GREB1: variants seen among roughly 807,000 people sequenced by gnomAD.
GREB1 encodes the protein growth regulating estrogen receptor binding 1.
In GREB1, 106 loss-of-function variants were observed where a neutral mutation model predicts 200.7. The observed-to-expected ratio is 0.53, with a 90% CI of 0.45 to 0.62. The LOEUF (loss-of-function observed/expected upper bound fraction) is 0.62. GREB1 is among the 20% of genes least tolerant of loss of function. The probability of loss-of-function intolerance (pLI) is 0.00; values close to 1 mark genes in which losing one functional copy is unlikely to be tolerated. For synonymous variants in GREB1, 1,132 were observed against 1,092.4 expected (o/e 1.04, Z -0.72); for missense variants, 2,243 against 2,556.8 (o/e 0.88, Z 2.65).
chr2:11,610,625 C>A, intron 17 of GREB1, 63 bp from the exon 18 acceptor site: 1 of 1,285,766 alleles, frequency 7.8e-7, no homozygotes, highest in Non-Finnish European at 1.1e-6. Context: ...TCTTGGGTGA[C>A]TTGGCAGCAG....
chr2:11,636,252 G>A lies in GREB1; in HGVS notation c.5346+847G>A, dbSNP rs551764354. ...CATTGAGATCTTACGATTGTGTGAG[G>A]TTTGTTGTTTAATCAGGGAGAACAG... is the stretch of plus-strand genomic sequence containing the variant. On this transcript the variant is annotated intron_variant, in intron 30 of 32. Coordinates refer to ENST00000381486, the MANE Select transcript of GREB1 (RefSeq NM_014668.4). Among the ~76,000 whole-genome samples, 13 of 152,336 alleles carry A rather than the reference G, an allele frequency of 8.5e-5. No individual in the cohort carries two copies. In the East Asian group the frequency reaches 2.5e-3, roughly 29 times the overall value.
intron 4 of GREB1, among the ~76,000 whole-genome samples, chr2:11,568,590 C>T (rs1253998261): frequency 6.6e-6 from 1 of 152,260 alleles, no homozygotes; most frequent in Non-Finnish European, 1.5e-5. Flanking sequence ...GTACGCGAGG[C>T]CATGCCTGGT....
Position 11,616,652 on chromosome 2 carries a change from G to A in GREB1, c.3344G>A (p.Ser1115Asn). ...ACAGGCTCTACCTCGGAGAAGAGAA[G>A]CCCCATGAAAAGGGAGAGGTCCCGC... Reference protein sequence around the residue: ...GTEGSTSEKRSPMKRERSRSH... With the variant: ...GTEGSTSEKRNPMKRERSRSH... The change falls in exon 21 of 33, where the codon AGC becomes AAC. Residue 1115 changes from serine to asparagine, a missense_variant. By Grantham distance (46) the Ser-to-Asn change is conservative (BLOSUM62 1). Coordinates refer to ENST00000381486, the MANE Select transcript of GREB1 (RefSeq NM_014668.4). The A allele has an allele frequency of 6.2e-7, 1 of 1,611,322 alleles. No homozygotes were observed. Among genetic ancestry groups the A allele is most frequent in the Non-Finnish European group, 8.5e-7 (1 of 1,177,430 alleles).
intron 1 of GREB1, chr2:11,542,583 A>G (rs1266448884): frequency 3.6e-5 from 5 of 139,838 alleles, no homozygotes; most frequent in African/African-American, 1.3e-4. Flanking sequence ...CAGGGAGAAC[A>G]AACCCAGAGC....
At chr2:11,620,819 T>G in intron 22 of GREB1, 86 bp from the exon 23 acceptor site, 1 of 759,766 alleles carries the variant, frequency 1.3e-6, no homozygotes, top group East Asian at 2.5e-5. Flanking sequence ...GAGGCAGATG[T>G]CAGGAGCCAT....
At chr2:11,524,252 G>A (rs1447255503) in intron 1 of GREB1, among the ~76,000 whole-genome samples, 1 of 152,222 alleles carries the variant, frequency 6.6e-6, no homozygotes, top group Non-Finnish European at 1.5e-5. Flanking sequence ...TTGTTCAACA[G>A]TCTGAAGGAG....
At chr2:11,537,940 T>C (rs1332090377) in intron 1 of GREB1, among the ~76,000 whole-genome samples, 1 of 152,116 alleles carries the variant, frequency 6.6e-6, no homozygotes, top group Non-Finnish European at 1.5e-5. Flanking sequence ...TTCATGCACA[T>C]AGCTTTTATG....
At chr2:11,535,041 G>T (rs1674225938) in intron 1 of GREB1, among the ~76,000 whole-genome samples, 1 of 152,198 alleles carries the variant, frequency 6.6e-6, no homozygotes, top group African/African-American at 2.4e-5. Context: ...TATCAGAAGA[G>T]CTTTCGGTAT....
intron 17 of GREB1, among the ~76,000 whole-genome samples, chr2:11,604,057 A>G (rs1462150257): frequency 2.0e-5 from 3 of 152,168 alleles, no homozygotes; most frequent in African/African-American, 7.2e-5. Context: ...ACAGCTAGTA[A>G]AGGGTGGGCT....
intron 30 of GREB1, among the ~76,000 whole-genome samples, chr2:11,636,076 C>T (rs894272404): frequency 6.6e-6 from 1 of 152,260 alleles, no homozygotes; most frequent in East Asian, 1.9e-4. Flanking sequence ...GTTAGCTACG[C>T]TGAGGTGGGC....
chr2:11,541,733 C>T (rs1016861526), intron 1 of GREB1, among the ~76,000 whole-genome samples: 1 of 152,158 alleles, frequency 6.6e-6, no homozygotes, highest in African/African-American at 2.4e-5. Flanking sequence ...GGTGGCTTGA[C>T]GTGGTTAATT....
rs138972600 is a variant in GREB1 at position 11,566,805 on chromosome 2, T to C, written c.454+149T>C. The C allele has an allele frequency of 2.9e-4, 184 of 630,542 alleles. 1 individual carries two copies. In the Admixed American group the frequency reaches 3.2e-3, roughly 11 times the overall value. 39.1% of individuals were successfully genotyped at this position (630,542 alleles called of 1,614,324 possible). A position where few individuals can be genotyped will look rare whatever the true frequency, so the allele number is the denominator to read the frequency against. On this transcript the variant is annotated intron_variant, in intron 4 of 32. Coordinates refer to ENST00000381486, the MANE Select transcript of GREB1 (RefSeq NM_014668.4). ...AGCCCTGTTTCTGTTTTTTGGTAGA[T>C]GAGTTCTTTGTGGAATGGAATGCAA...
chr2:11,637,584 A>C, intron 30 of GREB1, 132 bp from the exon 31 acceptor site: 1 of 672,510 alleles, frequency 1.5e-6, no homozygotes, highest in Non-Finnish European at 2.5e-6. Flanking sequence ...TTATTCTTGA[A>C]GTATGTGTTC....
intron 1 of GREB1, among the ~76,000 whole-genome samples, chr2:11,517,989 GT>G (rs1673568051): frequency 6.6e-6 from 1 of 152,218 alleles, no homozygotes; most frequent in Non-Finnish European, 1.5e-5. Flanking sequence ...TACCCGGAGA[GT>G]TTTCCAAGGA....
At chr2:11,602,676 T>A in intron 17 of GREB1, 134 bp downstream of exon 17, 1 of 715,556 alleles carries the variant, frequency 1.4e-6, no homozygotes, top group Non-Finnish European at 2.4e-6. Context: ...CCACTAAATG[T>A]ACCCTGGTTT....
At chr2:11,540,338 T>C (rs530994870) in intron 1 of GREB1, among the ~76,000 whole-genome samples, 8 of 152,194 alleles carry the variant, frequency 5.3e-5, no homozygotes, top group African/African-American at 9.7e-5. Context: ...AATTAGTTTG[T>C]GTTCTTATGA....
chr2:11,486,804 G>A (rs956457193), intron 1 of GREB1, among the ~76,000 whole-genome samples: 1 of 151,888 alleles, frequency 6.6e-6, no homozygotes, highest in African/African-American at 2.4e-5. Flanking sequence ...GGAAGTGGAG[G>A]TTGCAGTGAG....
chr2:11,606,800 T>TATTATTA (rs1682342628), intron 17 of GREB1, among the ~76,000 whole-genome samples: 1 of 144,270 alleles, frequency 6.9e-6, no homozygotes, highest in Non-Finnish European at 1.5e-5. Context: ...TTATTATTAT[T>TATTATTA]TGAGACGGAG....
At chr2:11,529,718 G>A (rs1385945317), upstream of GREB1, among the ~76,000 whole-genome samples, 1 of 152,188 alleles carries the variant, frequency 6.6e-6, no homozygotes, top group Non-Finnish European at 1.5e-5. Context: ...GGAAGAGAAA[G>A]TGGTATATTT....
Sources: gnomAD v4.1 joint callset for allele counts (sites outside exome capture counted in the v4.1 genomes callset) on GRCh38, gnomAD v4.1.1 for gene constraint, MANE v1.5 for transcripts, NCBI Gene and HGNC (gene_info 2026-07-23, HGNC 2026-07-21) for gene names.